Variants in DCHS1 observed in about 807,000 individuals in gnomAD.
The protein encoded by DCHS1 is protocadherin-16.
DCHS1 carries 78 observed loss-of-function variants against 213.9 expected under a neutral mutation model. The ratio of observed to expected loss-of-function variants is 0.36; its 90% CI spans 0.30 to 0.44. DCHS1 has a LOEUF of 0.44. Among genes scored for constraint, DCHS1 ranks in the 20% least tolerant of loss-of-function variants. The pLI is 1.00. For synonymous variants in DCHS1, 1,828 were observed against 1,873.7 expected (o/e 0.98, Z 0.63); for missense variants, 3,946 against 4,395.9 (o/e 0.90, Z 2.89).
chr11:6,645,667 T>C (rs1425912685), intron 1 of DCHS1, among the ~76,000 whole-genome samples: 1 of 152,208 alleles, frequency 6.6e-6, no homozygotes, highest in Non-Finnish European at 1.5e-5. Flanking sequence ...GAGAGACTCA[T>C]GTCCAGGCAG....
chr11:6,626,829 C>T lies in DCHS1; in HGVS notation c.6210G>A (p.Arg2070=). The part of the protein sequence containing the change: ...GEAERGPRFP[R]ASSEATIREN... ...CACGAATCGTAGCCTCACTGCTAGCCCGGGGAAAGCGGGGTCCACGCTCAG... is the reference window on the plus strand; with the variant it reads ...CACGAATCGTAGCCTCACTGCTAGCTCGGGGAAAGCGGGGTCCACGCTCAG... Residue 2070 remains arginine (R), a synonymous_variant, in exon 14 of 21, where the codon CGG becomes CGA. Coordinates refer to ENST00000299441, the MANE Select transcript of DCHS1 (RefSeq NM_003737.4). This position sits in a 1 kb window ranked among gnomAD's most constrained non-coding sequence, Gnocchi z 5.2. 6.2e-7 allele frequency: 1 copy of T among 1,613,218 alleles called. No individual in the cohort carries two copies. The highest frequency in any genetic ancestry group is 8.5e-7 in the Non-Finnish European group (1 of 1,179,870).
rs765086823 is a variant in DCHS1 at position 6,629,731 on chromosome 11, C to A, written c.4976G>T (p.Arg1659Leu). 25 of 1,613,750 alleles carry A rather than the reference C, an allele frequency of 1.5e-5. No individual in the cohort carries two copies. The highest frequency in any genetic ancestry group is 1.6e-4 in the Middle Eastern group (1 of 6,084). The change falls in exon 11 of 21, where the codon CGT becomes CTT. Residue 1659 changes from arginine to leucine, a missense_variant. By Grantham distance (102) the Arg-to-Leu change is moderately radical. Coordinates refer to ENST00000299441, the MANE Select transcript of DCHS1 (RefSeq NM_003737.4). ...AGATGTGCCAGGAGGGTTGTTCTCA[C>A]GCAAGAGGACGCTGTACTCCTGCTG... ...FQQQEYSVLLRENNPPGTSLL... is the reference protein window; with the variant it reads ...FQQQEYSVLLLENNPPGTSLL...
chr11:6,633,007 T>C lies in DCHS1; in HGVS notation c.2505A>G (p.Gly835=), dbSNP rs766193315. 8.7e-6 allele frequency: 14 copies of C among 1,611,210 alleles called. No homozygotes were observed. Among genetic ancestry groups the C allele is most frequent in the Non-Finnish European group, 9.3e-6 (11 of 1,178,102 alleles). The change falls in exon 6 of 21, where the codon GGA becomes GGG. Residue 835 remains glycine, a synonymous_variant. Coordinates refer to ENST00000299441, the MANE Select transcript of DCHS1 (RefSeq NM_003737.4). The part of the protein sequence containing the change: ...TLSLSGGDPR[G]LFSLDAVSGL... ...CTGATACCGCATCTAGGGAGAAGAG[T>C]CCTCGGGGATCCCCACCTGATAGGG...
rs374603930 is a variant in DCHS1 at position 6,627,285 on chromosome 11, G to C, written c.5754C>G (p.Asp1918Glu). 6.2e-7 allele frequency: 1 copy of C among 1,613,044 alleles called. No homozygotes were observed. The change falls in exon 14 of 21, where the codon GAC (aspartate) becomes GAG (glutamate). Residue 1918 changes from aspartate (D) to glutamate (E), a missense_variant. Asp to Glu is a conservative substitution (Grantham distance 45). Around this residue, in one of 3 missense-constraint regions of DCHS1, gnomAD observed 3,384 missense variants for 3,780.1 expected, o/e 0.90. Transcript: ENST00000299441. The surrounding 1 kb of genome is among the most constrained non-coding windows in gnomAD (Gnocchi z 5.4). The part of the protein sequence containing the change: ...SGELRTAAAL[D>E]REQCPSYTFS... The stretch of plus-strand genomic sequence containing the variant: ...AGGTGTAGCTGGGACACTGTTCTCT[G>C]TCCAAGGCTGCAGCTGTGCGCAGTT...
chr11:6,633,797 T>C lies in DCHS1; in HGVS notation c.2210A>G (p.Glu737Gly), dbSNP rs766647340. Reference protein sequence around the residue: ...GNSPPLFTLDEQSGLLTVAWP... With the variant: ...GNSPPLFTLDGQSGLLTVAWP... Reference sequence around the variant, plus strand: ...AATGGGAGGATCCTCACCTGATTGCTCATCCAAGGTAAAAAGTGGGGGGCT... The same window carrying C: ...AATGGGAGGATCCTCACCTGATTGCCCATCCAAGGTAAAAAGTGGGGGGCT... Residue 737 changes from glutamate to glycine, a missense_variant, in exon 4 of 21, where the codon GAG becomes GGG. Around this residue, in one of 3 missense-constraint regions of DCHS1, gnomAD observed 3,384 missense variants for 3,780.1 expected, o/e 0.90. Coordinates refer to ENST00000299441, the MANE Select transcript of DCHS1 (RefSeq NM_003737.4). The C allele has an allele frequency of 1.9e-6, 3 of 1,613,314 alleles. No individual in the cohort carries two copies. The highest frequency in any genetic ancestry group is 2.5e-6 in the Non-Finnish European group (3 of 1,179,786).
In DCHS1 at chr11:6,633,449, G is replaced by T; in HGVS notation, c.2418C>A (p.Gly806=). 6.4e-7 allele frequency: 1 copy of T among 1,566,724 alleles called. No homozygotes were observed. Among genetic ancestry groups the T allele is most frequent in the Admixed American group, 1.9e-5 (1 of 53,092 alleles). The change falls in exon 5 of 21, where the codon GGC becomes GGA. Residue 806 remains glycine, a synonymous_variant. Coordinates refer to ENST00000299441, the MANE Select transcript of DCHS1 (RefSeq NM_003737.4). ...VFSVPEDVAP[G]TSVGIVQAHN... Reference sequence around the variant, plus strand: ...GTGCCTGGACTATGCCCACACTGGTGCCTGGTGCCACATCCTCTGGCACAG... The same window carrying T: ...GTGCCTGGACTATGCCCACACTGGTTCCTGGTGCCACATCCTCTGGCACAG...
Position 6,630,285 on chromosome 11 carries a change from T to C in DCHS1, c.4509A>G (p.Arg1503=). The C allele has an allele frequency of 6.6e-7, 1 of 1,523,024 alleles. No individual in the cohort carries two copies. The highest frequency in any genetic ancestry group is 2.5e-5 in the East Asian group (1 of 40,070). The allele number at this position is 1,523,024 out of a possible 1,614,324, so 94.3% of individuals were successfully genotyped here. A position where few individuals can be genotyped will look rare whatever the true frequency, so the allele number is the denominator to read the frequency against. Residue 1503 remains arginine, a synonymous_variant, in exon 10 of 21, where the codon CGA becomes CGG. Coordinates refer to ENST00000299441, the MANE Select transcript of DCHS1 (RefSeq NM_003737.4). ...GCAGCAGCAGCGCGGGAGTGGTCTC[T>C]CGGTCCAGGCCGCGCGGAGCGCTGA... ...GALSAPRGLD[R]ETTPALLLLV... is the part of the protein sequence containing the mutation.
rs759274363 is a variant in DCHS1 at position 6,622,104 on chromosome 11, C to T, written c.9572G>A (p.Arg3191Gln). The T allele has an allele frequency of 2.2e-5, 35 of 1,613,068 alleles. No individual in the cohort carries two copies. Among genetic ancestry groups the T allele is most frequent in the East Asian group, 4.5e-5 (2 of 44,886 alleles). ...TEIARLKDEA[R>Q]PCPPAPRIDP... Reference sequence around the variant, plus strand: ...GATACGGGGAGCTGGGGGACATGGCCGAGCTTCATCCTTGAGCCGAGCGAT... The same window carrying T: ...GATACGGGGAGCTGGGGGACATGGCTGAGCTTCATCCTTGAGCCGAGCGAT... The change falls in exon 21 of 21, where the codon CGG becomes CAG. Residue 3191 changes from arginine to glutamine, a missense_variant. By Grantham distance (43) the Arg-to-Gln change is conservative. Coordinates refer to ENST00000299441, the MANE Select transcript of DCHS1 (RefSeq NM_003737.4). This position sits in a 1 kb window ranked among gnomAD's most constrained non-coding sequence, Gnocchi z 5.4.
At position 6,628,907 on chromosome 11, in the gene DCHS1, A is replaced by G. The variant is rs1041480122; in HGVS notation, c.5162-77T>C. Reference sequence around the variant, plus strand: ...AATCCACACCACACAGTGTTCATACATGTTCACTAGGTGCACACAAACCAG... The same window carrying G: ...AATCCACACCACACAGTGTTCATACGTGTTCACTAGGTGCACACAAACCAG... On this transcript the variant is annotated intron_variant, in intron 12 of 20. Transcript: ENST00000299441. This position sits in a 1 kb window ranked among gnomAD's most constrained non-coding sequence, Gnocchi z 4.3. 2 of 1,472,054 alleles carry G rather than the reference A, an allele frequency of 1.4e-6. No individual in the cohort carries two copies. The highest frequency in any genetic ancestry group is 1.4e-5 in the African/African-American group (1 of 71,710). 91.2% of individuals were successfully genotyped at this position (1,472,054 alleles called of 1,614,324 possible). A position where few individuals can be genotyped will look rare whatever the true frequency, so the allele number is the denominator to read the frequency against.
Position 6,627,798 on chromosome 11 carries a change from A to G in DCHS1, c.5372-131T>C. The G allele has an allele frequency of 2.8e-6, 3 of 1,058,486 alleles. No individual in the cohort carries two copies. The highest frequency in any genetic ancestry group is 4.0e-6 in the Non-Finnish European group (3 of 757,810). 65.6% of individuals were successfully genotyped at this position (1,058,486 alleles called of 1,614,324 possible). A position where few individuals can be genotyped will look rare whatever the true frequency, so the allele number is the denominator to read the frequency against. On this transcript the variant is annotated intron_variant, in intron 13 of 20. Transcript: ENST00000299441. The surrounding 1 kb of genome is among the most constrained non-coding windows in gnomAD (Gnocchi z 5.4). ...TATGAGAGAAAGGAAGAAAAACAGA[A>G]ACAGAAAGTAAAAGAAGATACTATA... is the stretch of plus-strand genomic sequence containing the variant.
At position 6,640,952 on chromosome 11, in the gene DCHS1, T is replaced by C. The variant is rs1856063507; in HGVS notation, c.662A>G (p.Tyr221Cys). 3 of 1,613,854 alleles carry C rather than the reference T, an allele frequency of 1.9e-6. No homozygotes were observed. Among genetic ancestry groups the C allele is most frequent in the Admixed American group, 1.7e-5 (1 of 60,012 alleles). The change falls in exon 2 of 21, where the codon TAT becomes TGT. Residue 221 changes from tyrosine to cysteine, a missense_variant. This residue lies in a region of DCHS1 where 3,384 missense variants were observed against 3,780.1 expected (regional missense o/e 0.90). Transcript: ENST00000299441. The surrounding 1 kb of genome is among the most constrained non-coding windows in gnomAD (Gnocchi z 6.5). Reference protein sequence around the residue: ...GELDRENRSHYMLQLEAYDGG... With the variant: ...GELDRENRSHCMLQLEAYDGG... ...ATCATAGGCCTCCAGCTGTAGCATA[T>C]AGTGTGAGCGGTTCTCTCGGTCCAG...
intron 2 of DCHS1, 60 bp from the exon 3 acceptor site, chr11:6,634,366 G>T: frequency 6.6e-7 from 1 of 1,509,136 alleles, no homozygotes; most frequent in Non-Finnish European, 8.9e-7. Context: ...CCAGAGGTAG[G>T]TGGCCATTAG....
Position 6,630,234 on chromosome 11 carries a change from G to A in DCHS1, c.4560C>T (p.Ala1520=). ...GCGCTGCACGACGGCGGCTGGCGTTGGCGGGCCGGTCGGTGGCTTCCACCA... is the reference window on the plus strand; with the variant it reads ...GCGCTGCACGACGGCGGCTGGCGTTAGCGGGCCGGTCGGTGGCTTCCACCA... The part of the protein sequence containing the change: ...LLLVEATDRP[A]NASRRRAARV... Residue 1520 remains alanine, a synonymous_variant, in exon 10 of 21, where the codon GCC becomes GCT. Transcript: ENST00000299441. 1 of 1,553,912 alleles carries A rather than the reference G, an allele frequency of 6.4e-7. No homozygotes were observed. The highest frequency in any genetic ancestry group is 8.7e-7 in the Non-Finnish European group (1 of 1,152,496).
rs576965402 is a variant in DCHS1, at chr11:6,622,343, C to T, written c.9333G>A (p.Gly3111=). 1 of 1,594,430 alleles carries T rather than the reference C, an allele frequency of 6.3e-7. No individual in the cohort carries two copies. Among genetic ancestry groups the T allele is most frequent in the Non-Finnish European group, 8.5e-7 (1 of 1,171,198 alleles). The change falls in exon 21 of 21, where the codon GGG becomes GGA. Residue 3111 remains glycine (G), a synonymous_variant. Transcript: ENST00000299441. This position sits in a 1 kb window ranked among gnomAD's most constrained non-coding sequence, Gnocchi z 5.4. ...GAGATLYREE[G]PPATATAFLG... is the part of the protein sequence containing the mutation. Reference sequence around the variant, plus strand: ...GGAAGGCTGTGGCAGTGGCTGGGGGCCCCTCCTCTCTGTAGAGAGTGGCTC... The same window carrying T: ...GGAAGGCTGTGGCAGTGGCTGGGGGTCCCTCCTCTCTGTAGAGAGTGGCTC...
chr11:6,643,390 A>C (rs1365821051), intron 1 of DCHS1, among the ~76,000 whole-genome samples: 1 of 152,098 alleles, frequency 6.6e-6, no homozygotes, highest in Non-Finnish European at 1.5e-5. Flanking sequence ...GCTTTCACTA[A>C]GCTTCCAAAC....
chr11:6,655,498 G>A, intron 1 of DCHS1, 65 bp downstream of exon 1: 1 of 940,128 alleles, frequency 1.1e-6, no homozygotes, highest in Non-Finnish European at 1.3e-6. Context: ...CGCTGCCGCA[G>A]CCCAGGGGAG....
Position 6,641,345 on chromosome 11 carries a change from G to C in DCHS1, c.269C>G (p.Thr90Arg), listed in dbSNP as rs1856070910. 1 of 1,613,500 alleles carries C rather than the reference G, an allele frequency of 6.2e-7. No individual in the cohort carries two copies. The highest frequency in any genetic ancestry group is 1.3e-5 in the African/African-American group (1 of 74,938). The change falls in exon 2 of 21, where the codon ACA becomes AGA. Residue 90 changes from threonine to arginine, a missense_variant. Coordinates refer to ENST00000299441, the MANE Select transcript of DCHS1 (RefSeq NM_003737.4). The surrounding 1 kb of genome is among the most constrained non-coding windows in gnomAD (Gnocchi z 7.1). ...ACTGTGTTCGTCAATGGCCAGGTCT[G>C]TGCCCACGCCGCTGCCCTCTTGGGC... ...ISAQEGSGVG[T>R]DLAIDEHSGV...
chr11:6,643,052 T>C (rs1856103545), intron 1 of DCHS1, among the ~76,000 whole-genome samples: 1 of 152,210 alleles, frequency 6.6e-6, no homozygotes, highest in African/African-American at 2.4e-5. Flanking sequence ...TGACCTGAAC[T>C]ACCAGCTGGA....
rs1466172516 is a variant in DCHS1 at position 6,622,845 on chromosome 11, G to A, written c.8831C>T (p.Ser2944Phe). ...NLLLVGAVAASLGVVVVLALA... is the reference protein window; with the variant it reads ...NLLLVGAVAAFLGVVVVLALA... ...TGCAAGCACCACCACAACTCCCAAGGAGGCTGCCACGGCCCCTACTAATAG... is the reference window on the plus strand; with the variant it reads ...TGCAAGCACCACCACAACTCCCAAGAAGGCTGCCACGGCCCCTACTAATAG... The change falls in exon 21 of 21, where the codon TCC becomes TTC. Residue 2944 changes from serine (S) to phenylalanine (F), a missense_variant. Physicochemically the swap from Ser to Phe is radical, Grantham distance 155. Coordinates refer to ENST00000299441, the MANE Select transcript of DCHS1 (RefSeq NM_003737.4). This position sits in a 1 kb window ranked among gnomAD's most constrained non-coding sequence, Gnocchi z 5.4. 6.3e-7 allele frequency: 1 copy of A among 1,596,600 alleles called. No homozygotes were observed. Among genetic ancestry groups the A allele is most frequent in the Non-Finnish European group, 8.5e-7 (1 of 1,171,670 alleles).
Sources: gnomAD v4.1 joint callset for allele counts (sites outside exome capture counted in the v4.1 genomes callset) on GRCh38, gnomAD v4.1.1 for gene constraint, gnomAD v4.1.1 regional missense constraint, Gnocchi (gnomAD v3.1) non-coding constraint, MANE v1.5 for transcripts, NCBI Gene and HGNC (gene_info 2026-07-23, HGNC 2026-07-21) for gene names.